RCSD1: variants seen among roughly 807,000 people sequenced by gnomAD.
The protein encoded by RCSD1 is capZ-interacting protein.
Under a neutral mutation model 42.5 loss-of-function variants are expected in RCSD1, and 26 were observed. That is an observed-to-expected ratio of 0.61 (90% CI 0.45 to 0.85). RCSD1 has a LOEUF of 0.85. RCSD1 is among the 40% of genes least tolerant of loss of function. The pLI, the probability that RCSD1 is intolerant of heterozygous loss-of-function variation, is 0.00. For missense variants in RCSD1, 571 were observed against 528.3 expected (o/e 1.08, Z -0.79); for synonymous variants, 220 against 212.2 (o/e 1.04, Z -0.32).
chr1:167,631,453 G>A (rs78330795), intron 1 of RCSD1, among the ~76,000 whole-genome samples: 5,372 of 152,228 alleles, frequency 0.035, 242 homozygotes, highest in African/African-American at 0.1. Context: ...TCTCTTCCCC[G>A]CTCCAGGCTC....
chr1:167,695,788 G>A (rs186552039), intron 5 of RCSD1, among the ~76,000 whole-genome samples: 97 of 151,946 alleles, frequency 6.4e-4, no homozygotes, highest in African/African-American at 2.2e-3. Flanking sequence ...CCCAAAGTGC[G>A]AGGATTACAG....
intron 1 of RCSD1, among the ~76,000 whole-genome samples, chr1:167,652,670 T>C (rs1322350981): frequency 1.3e-5 from 2 of 152,254 alleles, no homozygotes; most frequent in Non-Finnish European, 2.9e-5. Flanking sequence ...TTTGTATTGA[T>C]TTGCTGTTAT....
intron 4 of RCSD1, among the ~76,000 whole-genome samples, chr1:167,693,610 T>C (rs16859433): frequency 0.23 from 35,225 of 152,126 alleles, 6,773 homozygotes; most frequent in African/African-American, 0.53. Flanking sequence ...ATCCCTTAGC[T>C]ACTTTCTTGA....
chr1:167,666,798 C>G (rs1215899069), intron 1 of RCSD1, among the ~76,000 whole-genome samples: 2 of 152,250 alleles, frequency 1.3e-5, no homozygotes, highest in Non-Finnish European at 2.9e-5. Flanking sequence ...ACAAGCTTGT[C>G]CAACCCACGG....
At chr1:167,631,525 C>T (rs1326171195) in intron 1 of RCSD1, among the ~76,000 whole-genome samples, 1 of 152,166 alleles carries the variant, frequency 6.6e-6, no homozygotes, top group Non-Finnish European at 1.5e-5. Flanking sequence ...CATTCTGTTA[C>T]CCAGGCTGGA....
At chr1:167,643,043 C>T (rs773447416) in intron 1 of RCSD1, among the ~76,000 whole-genome samples, 2 of 152,210 alleles carry the variant, frequency 1.3e-5, no homozygotes, top group Non-Finnish European at 2.9e-5. Context: ...TTACCAGCCT[C>T]AGGATCCCGG....
chr1:167,660,470 G>GT (rs370176232), intron 1 of RCSD1, among the ~76,000 whole-genome samples: 1 of 140,956 alleles, frequency 7.1e-6, no homozygotes, highest in Non-Finnish European at 1.5e-5. Flanking sequence ...TTAATTCACT[G>GT]TTTTGTTTTT....
At chr1:167,657,674 G>C (rs1289716792) in intron 1 of RCSD1, among the ~76,000 whole-genome samples, 2 of 152,120 alleles carry the variant, frequency 1.3e-5, no homozygotes, top group African/African-American at 4.8e-5. Context: ...TTGATATGCT[G>C]AGCAGATGGA....
rs185296939 is a variant in RCSD1, at chr1:167,698,975, A to G, written c.1218+1133A>G. ...CCACCACGCCCGGCTAATTTTTTGTATTTTTAGTGGAGACGGGTTTCACCG... is the reference window on the plus strand; with the variant it reads ...CCACCACGCCCGGCTAATTTTTTGTGTTTTTAGTGGAGACGGGTTTCACCG... On this transcript the variant is annotated intron_variant, in intron 6 of 6. Transcript: ENST00000367854. Among the ~76,000 whole-genome samples the G allele has an allele frequency of 2.4e-3, 357 of 151,214 alleles. 3 individuals are homozygous for G. The highest frequency in any genetic ancestry group is 0.01 in the Middle Eastern group (3 of 292).
chr1:167,689,418 G>T (rs1180628069), intron 3 of RCSD1, among the ~76,000 whole-genome samples: 1 of 150,444 alleles, frequency 6.6e-6, no homozygotes, highest in Non-Finnish European at 1.5e-5. Flanking sequence ...GGAGGCGAAG[G>T]TTGCAGTGAG....
intron 1 of RCSD1, among the ~76,000 whole-genome samples, chr1:167,665,385 T>G (rs549173913): frequency 6.6e-6 from 1 of 152,252 alleles, no homozygotes. Context: ...ATTTGAGTTA[T>G]TTCTAGGTCT....
In RCSD1 at chr1:167,683,962, G is replaced by C; in HGVS notation, c.69G>C (p.Leu23=). ...DNSASPSVAQ[L]AGRFREQAAA... is the part of the protein sequence containing the mutation. The stretch of plus-strand genomic sequence containing the variant: ...CGGCGTCCCCCTCGGTGGCCCAGCT[G>C]GCCGGGCGGTTTAGGGAGCAGGCGG... The change falls in exon 2 of 7, where the codon CTG becomes CTC. Residue 23 remains leucine (L), a synonymous_variant. Coordinates refer to ENST00000367854, the MANE Select transcript of RCSD1 (RefSeq NM_052862.4). 1 of 1,614,112 alleles carries C rather than the reference G, an allele frequency of 6.2e-7. No individual in the cohort carries two copies. Among genetic ancestry groups the C allele is most frequent in the Non-Finnish European group, 8.5e-7 (1 of 1,180,032 alleles).
intron 5 of RCSD1, among the ~76,000 whole-genome samples, chr1:167,696,844 T>C (rs771673889): frequency 6.6e-6 from 1 of 152,202 alleles, no homozygotes; most frequent in Non-Finnish European, 1.5e-5. Context: ...AGTTTTTGTT[T>C]TTGTTTTTTA....
intron 1 of RCSD1, among the ~76,000 whole-genome samples, chr1:167,683,580 C>T (rs1024936136): frequency 1.3e-5 from 2 of 152,184 alleles, no homozygotes; most frequent in Non-Finnish European, 2.9e-5. Flanking sequence ...CAGACGTTGC[C>T]CTTTGCCGGT....
intron 6 of RCSD1, among the ~76,000 whole-genome samples, chr1:167,701,312 C>CTTTCTTTCTTTCTTTA (rs1324726075): frequency 9.4e-5 from 13 of 137,838 alleles, no homozygotes; most frequent in Admixed American, 8.7e-4. Flanking sequence ...TTCTTTCTTT[C>CTTTCTTTCTTTCTTTA]TTTCTTTTTT....
chr1:167,677,513 G>A (rs1307163875), intron 1 of RCSD1, among the ~76,000 whole-genome samples: 1 of 152,232 alleles, frequency 6.6e-6, no homozygotes, highest in South Asian at 2.1e-4. Flanking sequence ...TATTTAAAGA[G>A]GAAAGGATGA....
chr1:167,701,289 T>TTTCC (rs1412020013), intron 6 of RCSD1, among the ~76,000 whole-genome samples: 3 of 147,514 alleles, frequency 2.0e-5, no homozygotes, highest in African/African-American at 7.5e-5. Flanking sequence ...TCTTTCTTTC[T>TTTCC]TTCTTTCTTT....
At chr1:167,647,981 G>T (rs1240820300) in intron 1 of RCSD1, among the ~76,000 whole-genome samples, 2 of 151,528 alleles carry the variant, frequency 1.3e-5, no homozygotes, top group Non-Finnish European at 2.9e-5. Context: ...ATTTTTTAAA[G>T]TTGGAATAAA....
At chr1:167,638,570 G>C (rs1657916403) in intron 1 of RCSD1, 2 of 152,248 alleles carry the variant, frequency 1.3e-5, no homozygotes, top group African/African-American at 4.8e-5. Context: ...GGAGACAACA[G>C]GCTCCTCAGC....
Sources: allele counts gnomAD v4.1 joint callset (sites outside exome capture counted in the v4.1 genomes callset), GRCh38; gene constraint gnomAD v4.1.1; transcripts MANE v1.5; gene names NCBI Gene and HGNC (gene_info 2026-07-23, HGNC 2026-07-21).